The following NEK4 variants were observed in gnomAD, a reference collection of about 807,000 sequenced individuals.
The protein encoded by NEK4 is NIMA related kinase 4, also known as serine/threonine-protein kinase Nek4.
Under a neutral mutation model 98.4 loss-of-function variants are expected in NEK4, and 86 were observed. That is an observed-to-expected ratio of 0.87 (90% CI 0.73 to 1.05). The LOEUF (loss-of-function observed/expected upper bound fraction) is 1.05. Ranked by LOEUF, NEK4 falls within the 50% of genes least tolerant of loss-of-function variation. The probability of loss-of-function intolerance (pLI) is 0.00; values close to 1 mark genes in which losing one functional copy is unlikely to be tolerated. For synonymous variants in NEK4, 328 were observed against 342.2 expected, an observed-to-expected ratio of 0.96 and a Z score of 0.46; for missense variants, 898 against 950.3, an observed-to-expected ratio of 0.94 and a Z score of 0.72.
chr3:52,743,939 G>T (rs1475631159), intron 11 of NEK4, among the ~76,000 whole-genome samples: 1 of 152,086 alleles, frequency 6.6e-6, no homozygotes, highest in East Asian at 1.9e-4. Context: ...CACTGGACAT[G>T]GAAAAAAGTT....
At chr3:52,734,725 T>C (rs889716044) in intron 15 of NEK4, 4 of 165,528 alleles carry the variant, frequency 2.4e-5, no homozygotes, top group African/African-American at 7.6e-5. Flanking sequence ...TAATCAAAAC[T>C]ACCAGTACAA....
intron 13 of NEK4, among the ~76,000 whole-genome samples, chr3:52,741,153 G>A (rs992777480): frequency 1.3e-5 from 2 of 150,224 alleles, no homozygotes; most frequent in Non-Finnish European, 3.0e-5. Context: ...GGAGAACGGT[G>A]TGAACCCGGG....
chr3:52,743,599 T>C (rs1467244912), intron 11 of NEK4, 138 bp from the exon 12 acceptor site: 2 of 640,084 alleles, frequency 3.1e-6, no homozygotes, highest in Non-Finnish European at 2.8e-6. Context: ...ATTTCTCTGG[T>C]GTCTGACACC....
intron 12 of NEK4, among the ~76,000 whole-genome samples, chr3:52,741,848 C>T (rs1053966839): frequency 6.6e-6 from 1 of 151,906 alleles, no homozygotes; most frequent in Admixed American, 6.6e-5. Context: ...GGCACGATCT[C>T]GGCTCACAGC....
intron 15 of NEK4, among the ~76,000 whole-genome samples, chr3:52,726,648 C>T (rs563907712): frequency 1.3e-5 from 2 of 149,122 alleles, no homozygotes; most frequent in South Asian, 2.1e-4. Flanking sequence ...TGGCTCACAC[C>T]TGTAATCCCA....
intron 6 of NEK4, among the ~76,000 whole-genome samples, chr3:52,756,627 GT>G (rs2097415578): frequency 6.6e-6 from 1 of 152,166 alleles, no homozygotes; most frequent in Non-Finnish European, 1.5e-5. Flanking sequence ...AAACCTAAAT[GT>G]AAGACCTAAA....
At chr3:52,745,441 T>C (rs1578664420) in intron 10 of NEK4, among the ~76,000 whole-genome samples, 1 of 151,970 alleles carries the variant, frequency 6.6e-6, no homozygotes, top group African/African-American at 2.4e-5. Flanking sequence ...TAGCCGAGCA[T>C]GGTGGCTGGC....
intron 15 of NEK4, among the ~76,000 whole-genome samples, chr3:52,718,695 G>A (rs1182289192): frequency 6.6e-6 from 1 of 152,090 alleles, no homozygotes; most frequent in African/African-American, 2.4e-5. Flanking sequence ...AAGCCACCAA[G>A]CTAGCACGCA....
chr3:52,741,348 C>T (rs1032463452), intron 13 of NEK4, 63 bp downstream of exon 13: 84 of 954,388 alleles, frequency 8.8e-5, no homozygotes, highest in Middle Eastern at 4.2e-4. Flanking sequence ...ACTGAAAATG[C>T]ACATTTAATA....
chr3:52,726,585 C>A (rs544039201), intron 15 of NEK4, among the ~76,000 whole-genome samples: 7 of 124,868 alleles, frequency 5.6e-5, no homozygotes, highest in African/African-American at 2.1e-4. Context: ...GGCAACAGAG[C>A]AAGACTCCGT....
intron 15 of NEK4, among the ~76,000 whole-genome samples, chr3:52,724,494 A>G (rs1251650461): frequency 6.6e-6 from 1 of 152,232 alleles, no homozygotes; most frequent in Non-Finnish European, 1.5e-5. Context: ...TTCCAGATAA[A>G]TCTGATTAAC....
intron 6 of NEK4, among the ~76,000 whole-genome samples, chr3:52,752,842 G>A (rs1200152765): frequency 6.9e-6 from 1 of 145,658 alleles, no homozygotes; most frequent in African/African-American, 2.5e-5. Flanking sequence ...GGAGGTTGTA[G>A]TGAGCCGAGA....
intron 15 of NEK4, among the ~76,000 whole-genome samples, chr3:52,714,632 G>A (rs990939575): frequency 2.6e-5 from 4 of 152,338 alleles, no homozygotes; most frequent in South Asian, 2.1e-4. Context: ...CTGCCCTGGA[G>A]GTTGCTAGGA....
At chr3:52,744,104 A>ATCTT in intron 11 of NEK4, 135 bp downstream of exon 11, 1 of 714,728 alleles carries the variant, frequency 1.4e-6, no homozygotes, top group Middle Eastern at 2.5e-4. Context: ...AAATTTCAAA[A>ATCTT]TCTTTTCCAA....
chr3:52,723,267 A>AT (rs113309304), intron 15 of NEK4, among the ~76,000 whole-genome samples: 2,510 of 150,886 alleles, frequency 0.017, 77 homozygotes, highest in African/African-American at 0.058. Context: ...GAAAAAAAGA[A>AT]TTTTTTTTTT....
At chr3:52,725,213 T>C (rs957985453) in intron 15 of NEK4, among the ~76,000 whole-genome samples, 2 of 152,212 alleles carry the variant, frequency 1.3e-5, no homozygotes, top group Non-Finnish European at 2.9e-5. Context: ...ATCCTGTTTT[T>C]AAACATATAA....
rs2097390088 is a variant in NEK4, at chr3:52,743,418, T to C, written c.1938A>G (p.Gly646=). 1.9e-6 allele frequency: 3 copies of C among 1,614,178 alleles called. No individual in the cohort carries two copies. The highest frequency in any genetic ancestry group is 2.2e-5 in the South Asian group (2 of 91,084). ...RKASLSVAGP[G]KPQEEDQPLP... ...AGGGCTGGTCTTCTTCCTGGGGTTT[T>C]CCTGGCCCTGCTACACTCAGAGACG... Residue 646 remains glycine, a synonymous_variant, in exon 12 of 16, where the codon GGA becomes GGG. Coordinates refer to ENST00000233027, the MANE Select transcript of NEK4 (RefSeq NM_003157.6).
intron 6 of NEK4, chr3:52,754,790 TG>T (rs1467567298): frequency 6.0e-6 from 2 of 333,024 alleles, no homozygotes; most frequent in Admixed American, 7.6e-5. Context: ...AACAAAACTG[TG>T]GGCCGGGCAC....
At chr3:52,725,330 T>C (rs1186648236) in intron 15 of NEK4, among the ~76,000 whole-genome samples, 13 of 151,646 alleles carry the variant, frequency 8.6e-5, no homozygotes, top group Admixed American at 7.9e-4. Context: ...GCTAACACGG[T>C]GAAACCCCGT....
Sources: allele counts gnomAD v4.1 joint callset (sites outside exome capture counted in the v4.1 genomes callset), GRCh38; gene constraint gnomAD v4.1.1; transcripts MANE v1.5; gene names NCBI Gene and HGNC (gene_info 2026-07-23, HGNC 2026-07-21).